The following TRAPPC11 variants were observed in gnomAD, a reference collection of about 807,000 sequenced individuals.
The protein encoded by TRAPPC11 is foie gras homolog.
Under a neutral mutation model 151.2 loss-of-function variants are expected in TRAPPC11, and 104 were observed. The ratio of observed to expected loss-of-function variants is 0.69; its 90% CI spans 0.59 to 0.81. The LOEUF (loss-of-function observed/expected upper bound fraction) is 0.81, where lower values mean the gene tolerates loss of function less well. Ranked by LOEUF, TRAPPC11 falls within the 30% of genes least tolerant of loss-of-function variation. The pLI, the probability that TRAPPC11 is intolerant of heterozygous loss-of-function variation, is 0.00. For synonymous variants in TRAPPC11, 456 were observed against 472.3 expected, an observed-to-expected ratio of 0.97 and a Z score of 0.45; for missense variants, 1,230 against 1,349.6, an observed-to-expected ratio of 0.91 and a Z score of 1.39.
intron 5 of TRAPPC11, among the ~76,000 whole-genome samples, chr4:183,670,618 A>G (rs1049018398): frequency 6.6e-6 from 1 of 152,102 alleles, no homozygotes. Context: ...TTTTCTTTTC[A>G]TTTTTAAGAT....
At chr4:183,692,370 TAAAAAA>T (rs33971588) in intron 19 of TRAPPC11, among the ~76,000 whole-genome samples, 2 of 146,610 alleles carry the variant, frequency 1.4e-5, no homozygotes, top group Non-Finnish European at 3.0e-5. Context: ...GCTTATTCAT[TAAAAAA>T]AAAAAAACTT....
In TRAPPC11 at chr4:183,678,891, T is replaced by C. The variant is rs556288290; in HGVS notation, c.832-462T>C. Among the ~76,000 whole-genome samples, 16 of 152,342 alleles carry C rather than the reference T, an allele frequency of 1.1e-4. 1 individual carries two copies. In the East Asian group the frequency reaches 3.1e-3, roughly 29 times the overall value. On this transcript the variant is annotated intron_variant, in intron 8 of 29. Coordinates refer to ENST00000334690, the MANE Select transcript of TRAPPC11 (RefSeq NM_021942.6). ...ATATTAGTACTATTTTGAAATAGCA[T>C]GCCAGCCACAAAATTTTCAAGAATT...
At chr4:183,688,599 A>G (rs1262341667) in intron 18 of TRAPPC11, among the ~76,000 whole-genome samples, 1 of 152,248 alleles carries the variant, frequency 6.6e-6, no homozygotes, top group African/African-American at 2.4e-5. Flanking sequence ...ATTCATAAGA[A>G]AAGAGAAATA....
rs369487333 is a variant in TRAPPC11 at position 183,692,262 on chromosome 4, C to T, written c.2050-698C>T. 3.3e-5 allele frequency among the ~76,000 whole-genome samples: 5 copies of T among 151,978 alleles called. No homozygotes were observed. In the East Asian group the frequency reaches 7.7e-4, roughly 23 times the overall value. On this transcript the variant is annotated intron_variant, in intron 19 of 29. Transcript: ENST00000334690. Reference sequence around the variant, plus strand: ...ATGACTTGAATGGGAATGGTTAGCTCATCTAAACTTGGGACCATTGCTAAG... The same window carrying T: ...ATGACTTGAATGGGAATGGTTAGCTTATCTAAACTTGGGACCATTGCTAAG...
At chr4:183,688,747 G>A (rs1224618155) in intron 18 of TRAPPC11, among the ~76,000 whole-genome samples, 1 of 152,042 alleles carries the variant, frequency 6.6e-6, no homozygotes, top group Non-Finnish European at 1.5e-5. Flanking sequence ...GTGTGTGTGT[G>A]TGTTTGTGTG....
chr4:183,668,638 G>A (rs972428056), intron 5 of TRAPPC11, among the ~76,000 whole-genome samples: 2 of 152,220 alleles, frequency 1.3e-5, no homozygotes, highest in African/African-American at 2.4e-5. Flanking sequence ...TTGAGCTGTC[G>A]ATGTATCTAT....
intron 6 of TRAPPC11, 105 bp downstream of exon 6, chr4:183,674,917 G>T: frequency 1.4e-6 from 1 of 696,812 alleles, no homozygotes; most frequent in Non-Finnish European, 2.3e-6. Context: ...AATGGTTTCA[G>T]CATTTCTAAA....
intron 17 of TRAPPC11, 50 bp from the exon 18 acceptor site, chr4:183,686,568 G>A (rs917148252): frequency 6.3e-7 from 1 of 1,598,606 alleles, no homozygotes; most frequent in Non-Finnish European, 8.5e-7. Context: ...ATGTGTGTGG[G>A]TCGTGGGTAT....
chr4:183,667,794 T>C (rs1392849587), intron 4 of TRAPPC11, among the ~76,000 whole-genome samples: 1 of 152,314 alleles, frequency 6.6e-6, no homozygotes, highest in South Asian at 2.1e-4. Flanking sequence ...CAGTAGAAAA[T>C]TCCACAGTGT....
Position 183,677,446 on chromosome 4 carries a change from CT to C in TRAPPC11, c.735-11del. On this transcript the variant is annotated splice_polypyrimidine_tract_variant and intron_variant, in intron 7 of 29. Coordinates refer to ENST00000334690, the MANE Select transcript of TRAPPC11 (RefSeq NM_021942.6). ...AAACTAATTTATATCATTAACCACCCTCCTCATTTAGGAATTATAGGACCGC... is the reference window on the plus strand; with the variant it reads ...AAACTAATTTATATCATTAACCACCCCCTCATTTAGGAATTATAGGACCGC... 1 of 1,470,850 alleles carries C rather than the reference CT, an allele frequency of 6.8e-7. No homozygotes were observed. The highest frequency in any genetic ancestry group is 1.7e-5 in the Admixed American group (1 of 57,164). 91.1% of individuals were successfully genotyped at this position (1,470,850 alleles called of 1,614,324 possible). A position where few individuals can be genotyped will look rare whatever the true frequency, so the allele number is the denominator to read the frequency against.
At chr4:183,695,197 A>G (rs1017268701) in intron 23 of TRAPPC11, among the ~76,000 whole-genome samples, 2 of 151,938 alleles carry the variant, frequency 1.3e-5, no homozygotes, top group Non-Finnish European at 2.9e-5. Flanking sequence ...TGATCTGCCC[A>G]CCTTGGCCTC....
Position 183,697,949 on chromosome 4 carries a change from T to G in TRAPPC11, c.2851+114T>G, listed in dbSNP as rs988664174. ...TAGCTTTTTGCTAAGTGAGGGAACT[T>G]GAGACCTGCACTCGTGAAAGCAAAT... On this transcript the variant is annotated intron_variant, in intron 25 of 29. Transcript: ENST00000334690. The G allele has an allele frequency of 4.1e-6, 4 of 967,136 alleles. No individual in the cohort carries two copies. In the African/African-American group the frequency reaches 6.5e-5, roughly 16 times the overall value. 59.9% of individuals were successfully genotyped at this position (967,136 alleles called of 1,614,324 possible).
At chr4:183,707,047 C>A in intron 28 of TRAPPC11, 107 bp downstream of exon 28, 1 of 1,363,126 alleles carries the variant, frequency 7.3e-7, no homozygotes, top group Non-Finnish European at 9.8e-7. Context: ...TGACTGTGGT[C>A]CCTGTTGTTT....
intron 9 of TRAPPC11, 73 bp downstream of exon 9, chr4:183,679,559 G>A: frequency 7.3e-7 from 1 of 1,368,970 alleles, no homozygotes; most frequent in South Asian, 1.6e-5. Flanking sequence ...CATGGACTTT[G>A]GTTCTAAAAC....
At position 183,675,135 on chromosome 4, in the gene TRAPPC11, A is replaced by G. The variant is rs751464687; in HGVS notation, c.661-29A>G. 1.7e-5 allele frequency: 21 copies of G among 1,218,266 alleles called. No individual in the cohort carries two copies. The South Asian group carries it at 1.8e-4, about 10-fold the overall frequency. The allele number at this position is 1,218,266 out of a possible 1,614,324, so 75.5% of individuals were successfully genotyped here. A position where few individuals can be genotyped will look rare whatever the true frequency, so the allele number is the denominator to read the frequency against. On this transcript the variant is annotated intron_variant, in intron 6 of 29. Transcript: ENST00000334690. ...TTTTCACATTTTAAATAGAATATGT[A>G]TAATAGTAATTTTTTTGTCTCTTTT...
chr4:183,705,142 G>A, intron 27 of TRAPPC11, 72 bp downstream of exon 27: 1 of 1,107,888 alleles, frequency 9.0e-7, no homozygotes, highest in South Asian at 1.6e-5. Context: ...TAAGAGTTTA[G>A]TTATTTTAAC....
At chr4:183,668,188 A>G (rs1734976381) in intron 5 of TRAPPC11, 71 bp downstream of exon 5, 2 of 833,082 alleles carry the variant, frequency 2.4e-6, no homozygotes, top group Non-Finnish European at 3.8e-6. Flanking sequence ...GCTTAGACCC[A>G]TTTATTTTTT....
rs746120270 is a variant in TRAPPC11, at chr4:183,674,829, A to G, written c.660+17A>G. The G allele has an allele frequency of 6.9e-7, 1 of 1,443,778 alleles. No homozygotes were observed. The highest frequency in any genetic ancestry group is 9.6e-7 in the Non-Finnish European group (1 of 1,044,196). 89.4% of individuals were successfully genotyped at this position (1,443,778 alleles called of 1,614,324 possible). On this transcript the variant is annotated intron_variant, in intron 6 of 29. Coordinates refer to ENST00000334690, the MANE Select transcript of TRAPPC11 (RefSeq NM_021942.6). ...ACACACCAGGTGCGTGATTTTTTGC[A>G]ATAATAGAAGCATTCTGGAGCGGAT...
In TRAPPC11 at chr4:183,677,678, C is replaced by T. The variant is rs548517810; in HGVS notation, c.831+124C>T. 799 of 614,378 alleles carry T rather than the reference C, an allele frequency of 1.3e-3. 4 individuals carry two copies. Among genetic ancestry groups the T allele is most frequent in the South Asian group, 3.1e-3 (148 of 47,250 alleles). The allele number at this position is 614,378 out of a possible 1,614,324, so 38.1% of individuals were successfully genotyped here. A position where few individuals can be genotyped will look rare whatever the true frequency, so the allele number is the denominator to read the frequency against. ...TAGTATTTGATTAATTATGATCTCC[C>T]CTTTTATATCCTTTTTCTCAGAAGG... On this transcript the variant is annotated intron_variant, in intron 8 of 29. Coordinates refer to ENST00000334690, the MANE Select transcript of TRAPPC11 (RefSeq NM_021942.6).
Sources: gnomAD v4.1 joint callset for allele counts (sites outside exome capture counted in the v4.1 genomes callset) on GRCh38, gnomAD v4.1.1 for gene constraint, MANE v1.5 for transcripts, NCBI Gene and HGNC (gene_info 2026-07-23, HGNC 2026-07-21) for gene names.